Variants in KLF8 observed in about 807,000 individuals in gnomAD.
KLF8 encodes Krueppel-like factor 8.
KLF8 carries 10 observed loss-of-function variants against 18.2 expected under a neutral mutation model. That is an observed-to-expected ratio of 0.55 (90% confidence interval 0.34 to 0.93). The LOEUF is 0.93. Ranked by LOEUF, KLF8 falls within the 40% of genes least tolerant of loss-of-function variation. The probability of loss-of-function intolerance (pLI) is 0.02; values close to 1 mark genes in which losing one functional copy is unlikely to be tolerated. For synonymous variants in KLF8, 109 were observed against 97.3 expected (o/e 1.12, Z -0.71); for missense variants, 264 against 277.9 (o/e 0.95, Z 0.36).
the KLF8 span, among the ~76,000 whole-genome samples, chrX:56,104,966 T>G: frequency 8.9e-6 from 1 of 112,173 alleles, no homozygotes; most frequent in East Asian, 2.8e-4. Flanking sequence ...ATTCATTTCA[T>G]TATGTACCCA....
chrX:56,284,533 T>C lies in KLF8; in HGVS notation c.*39T>C, dbSNP rs2067247438. The C allele has an allele frequency of 1.9e-6, 2 of 1,058,675 alleles. No homozygotes were observed. Among genetic ancestry groups the C allele is most frequent in the African/African-American group, 1.9e-5 (1 of 52,699 alleles). 87.2% of individuals were successfully genotyped at this position (1,058,675 alleles called of 1,213,427 possible). The stretch of plus-strand genomic sequence containing the variant: ...CACTAGAGAAGCTGCGCTGGTATCT[T>C]TCCTGGTCGTGTGCTGAGGTTGGGA... On this transcript the variant is annotated 3_prime_UTR_variant, in exon 6 of 6. Coordinates refer to ENST00000468660, the MANE Select transcript of KLF8 (RefSeq NM_007250.5).
At chrX:56,174,080 C>T in the KLF8 span, among the ~76,000 whole-genome samples, 1 of 111,540 alleles carries the variant, frequency 9.0e-6, no homozygotes, top group African/African-American at 3.3e-5. Context: ...GATTGAATAA[C>T]CTTTATTTCC....
the KLF8 span, among the ~76,000 whole-genome samples, chrX:56,012,772 G>A: frequency 1.8e-5 from 2 of 111,039 alleles, no homozygotes; most frequent in African/African-American, 6.5e-5. Flanking sequence ...TCATGAAAAT[G>A]GCCATACTGC....
the KLF8 span, among the ~76,000 whole-genome samples, chrX:56,211,469 G>T: frequency 1.8e-5 from 2 of 112,169 alleles, no homozygotes; most frequent in African/African-American, 3.2e-5. Context: ...GAATATACTG[G>T]GTCACACCTC....
At chrX:56,048,211 G>A in the KLF8 span, among the ~76,000 whole-genome samples, 1 of 111,513 alleles carries the variant, frequency 9.0e-6, no homozygotes, top group African/African-American at 3.3e-5. Context: ...CTCCCATTCT[G>A]TAGGTTGCCT....
chrX:56,182,869 A>G, the KLF8 span, among the ~76,000 whole-genome samples: 1 of 112,282 alleles, frequency 8.9e-6, no homozygotes, highest in Non-Finnish European at 1.9e-5. Flanking sequence ...ATGTGGTGTC[A>G]GTCAGCTCAT....
the KLF8 span, among the ~76,000 whole-genome samples, chrX:56,037,674 C>A: frequency 9.4e-6 from 1 of 106,530 alleles, no homozygotes; most frequent in African/African-American, 3.4e-5. Flanking sequence ...ACTTTTTTTT[C>A]TTTAATTTTT....
the KLF8 span, among the ~76,000 whole-genome samples, chrX:55,948,428 T>A: frequency 8.9e-6 from 1 of 112,093 alleles, no homozygotes; most frequent in African/African-American, 3.2e-5. Flanking sequence ...ACTCCTGTTG[T>A]AGAAGATCAT....
the KLF8 span, among the ~76,000 whole-genome samples, chrX:56,184,104 G>C: frequency 7.1e-5 from 8 of 112,565 alleles, no homozygotes; most frequent in Non-Finnish European, 1.5e-4. Context: ...GTGTCAGGGA[G>C]TTCCCTTTCC....
At chrX:55,938,677 A>T in the KLF8 span, among the ~76,000 whole-genome samples, 2 of 110,980 alleles carry the variant, frequency 1.8e-5, no homozygotes, top group Non-Finnish European at 3.8e-5. Context: ...GGGATGGAGG[A>T]AGATCTACCA....
At chrX:56,154,593 A>C in the KLF8 span, among the ~76,000 whole-genome samples, 1 of 112,213 alleles carries the variant, frequency 8.9e-6, no homozygotes, top group African/African-American at 3.2e-5. Context: ...CAAAAGACAA[A>C]ATTGACAAAT....
At chrX:56,159,843 TG>T in the KLF8 span, among the ~76,000 whole-genome samples, 2 of 111,716 alleles carry the variant, frequency 1.8e-5, no homozygotes, top group Admixed American at 9.6e-5. Flanking sequence ...AACAATCTCC[TG>T]GATTCATTGA....
At chrX:56,177,879 T>A in the KLF8 span, among the ~76,000 whole-genome samples, 1 of 112,126 alleles carries the variant, frequency 8.9e-6, no homozygotes, top group African/African-American at 3.2e-5. Context: ...CAAGGATCCG[T>A]GGGTGTAGGT....
chrX:56,221,242 C>T, the KLF8 span, among the ~76,000 whole-genome samples: 1 of 111,847 alleles, frequency 8.9e-6, no homozygotes, highest in African/African-American at 3.2e-5. Context: ...TTTTGGTCAC[C>T]TTGGAAAAGT....
At chrX:55,971,967 A>C in the KLF8 span, among the ~76,000 whole-genome samples, 2 of 111,207 alleles carry the variant, frequency 1.8e-5, no homozygotes, top group Admixed American at 1.9e-4. Context: ...GGGAATGTAA[A>C]TTAGTATAAC....
the KLF8 span, among the ~76,000 whole-genome samples, chrX:56,113,555 T>C: frequency 6.7e-4 from 2 of 3,007 alleles, no homozygotes; most frequent in Non-Finnish European, 1.9e-3. Context: ...GCAGGGATAG[T>C]TTTTTTTTTT....
At chrX:56,062,343 A>T in the KLF8 span, among the ~76,000 whole-genome samples, 1 of 110,318 alleles carries the variant, frequency 9.1e-6, no homozygotes, top group African/African-American at 3.3e-5. Flanking sequence ...TTCCTTGTTT[A>T]GTGTTTTCTT....
intron 5 of KLF8, among the ~76,000 whole-genome samples, chrX:56,275,399 T>C (rs917581082): frequency 8.9e-6 from 1 of 111,807 alleles, no homozygotes; most frequent in Non-Finnish European, 1.9e-5. Flanking sequence ...TAGCTCTTTT[T>C]CTGGAGGCTT....
At chrX:56,106,263 G>A in the KLF8 span, among the ~76,000 whole-genome samples, 2 of 111,666 alleles carry the variant, frequency 1.8e-5, no homozygotes, top group African/African-American at 6.5e-5. Flanking sequence ...ATATTGGCCT[G>A]CCTTGCTAGG....
Sources: allele counts gnomAD v4.1 joint callset (sites outside exome capture counted in the v4.1 genomes callset), GRCh38; gene constraint gnomAD v4.1.1; transcripts MANE v1.5; gene names NCBI Gene and HGNC (gene_info 2026-07-23, HGNC 2026-07-21).